DGKH: variants seen among roughly 807,000 people sequenced by gnomAD.
DGKH encodes diacylglycerol kinase eta.
In DGKH, 90 loss-of-function variants were observed where a neutral mutation model predicts 159.3. That is an observed-to-expected ratio of 0.57 (90% CI 0.48 to 0.67). DGKH has a LOEUF of 0.67. DGKH is among the 30% of genes least tolerant of loss of function. DGKH has a pLI of 0.00. For missense variants in DGKH, 1,181 were observed against 1,506.1 expected (o/e 0.78, Z 3.57); for synonymous variants, 536 against 553.8 (o/e 0.97, Z 0.45).
upstream of DGKH, among the ~76,000 whole-genome samples, chr13:42,048,384 C>A (rs1289371427): frequency 2.7e-5 from 4 of 148,096 alleles, no homozygotes; most frequent in South Asian, 8.8e-4. This position sits in a 1 kb window ranked among gnomAD's most constrained non-coding sequence, Gnocchi z 6.7. Context: ...AGGTTTCCTG[C>A]CTCCCCCACC....
chr13:42,106,937 G>C (rs1026819952), intron 1 of DGKH, among the ~76,000 whole-genome samples: 1 of 152,110 alleles, frequency 6.6e-6, no homozygotes, highest in Non-Finnish European at 1.5e-5. Flanking sequence ...ACAGCTACTC[G>C]GAAGGTTGAG....
chr13:42,189,698 A>T (rs770085332), intron 15 of DGKH, among the ~76,000 whole-genome samples: 14 of 152,160 alleles, frequency 9.2e-5, no homozygotes, highest in South Asian at 2.1e-4. Context: ...AAAGGGTCTC[A>T]CTCTGTTGCC....
At chr13:42,248,558 A>G (rs1958598641) in intron 29 of DGKH, among the ~76,000 whole-genome samples, 1 of 147,320 alleles carries the variant, frequency 6.8e-6, no homozygotes, top group Admixed American at 6.8e-5. Context: ...TATATTGTTT[A>G]ATATTTAATA....
intron 1 of DGKH, among the ~76,000 whole-genome samples, chr13:42,054,955 G>A (rs1881645867): frequency 6.6e-6 from 1 of 152,156 alleles, no homozygotes; most frequent in Non-Finnish European, 1.5e-5. Context: ...TACTTTAAGT[G>A]TTGCTGTGTT....
At position 42,142,411 on chromosome 13, in the gene DGKH, C is replaced by T. The variant is rs9533009; in HGVS notation, c.384+12779C>T. Among the ~76,000 whole-genome samples the T allele has an allele frequency of 2.0e-5, 3 of 149,010 alleles. No homozygotes were observed. In the South Asian group the frequency reaches 6.5e-4, roughly 32 times the overall value. On this transcript the variant is annotated intron_variant, in intron 3 of 29. Coordinates refer to ENST00000337343, the MANE Select transcript of DGKH (RefSeq NM_178009.5). ...TTTGGTTCCATATGAACTTTAAAGT[C>T]GTTTTTTCCAATTCTGTGAAGAAAG...
chr13:42,208,656 G>A (rs1957565250), intron 21 of DGKH, among the ~76,000 whole-genome samples: 1 of 151,752 alleles, frequency 6.6e-6, no homozygotes, highest in Admixed American at 6.6e-5. Context: ...GTATGAACAT[G>A]TATTTAACAT....
chr13:42,214,384 G>A (rs1957736731), intron 24 of DGKH, 123 bp from the exon 25 acceptor site: 3 of 789,218 alleles, frequency 3.8e-6, no homozygotes, highest in Non-Finnish European at 5.7e-6. Context: ...GCCATTAAAA[G>A]TGTTCTTCCA....
rs1958324313 is a variant in DGKH, at chr13:42,232,535, A to T, written c.*3347A>T. The T allele has an allele frequency of 6.6e-6, 1 of 152,094 alleles. No homozygotes were observed. The highest frequency in any genetic ancestry group is 2.4e-5 in the African/African-American group (1 of 41,412). The allele number at this position is 152,094 out of a possible 1,614,324, so 9.4% of individuals were successfully genotyped here. ...TATAATCATGGTTGCTGAAATTCTC[A>T]CTGCCTTCTACTTTCCTTTCCCCAT... On this transcript the variant is annotated 3_prime_UTR_variant, in exon 30 of 30. Coordinates refer to ENST00000337343, the MANE Select transcript of DGKH (RefSeq NM_178009.5).
rs71096557 is a variant in DGKH at position 42,135,507 on chromosome 13, A to AAAAAAAAAAAAAAAAAAAAAAAAAG, written c.384+5876_384+5877insAAAAAAAAAAAAAAAAAAAAAAAGA. Among the ~76,000 whole-genome samples the AAAAAAAAAAAAAAAAAAAAAAAAAG allele has an allele frequency of 4.2e-4, 48 of 113,370 alleles. 1 individual carries two copies. Among genetic ancestry groups the AAAAAAAAAAAAAAAAAAAAAAAAAG allele is most frequent in the Non-Finnish European group, 4.8e-4 (25 of 51,642 alleles). 74.4% of individuals were successfully genotyped at this position (113,370 alleles called of 152,430 possible). On this transcript the variant is annotated intron_variant, in intron 3 of 29. Coordinates refer to ENST00000337343, the MANE Select transcript of DGKH (RefSeq NM_178009.5). Reference sequence around the variant, plus strand: ...CCTGTCTCAGAAAAAAAAAAAAAAAAAGAGAGAGAGAGAAAAAGAAAAAAA... The same window carrying AAAAAAAAAAAAAAAAAAAAAAAAAG: ...CCTGTCTCAGAAAAAAAAAAAAAAAAAAAAAAAAAAAAAAAAAAAAAAAAGAGAGAGAGAGAGAAAAAGAAAAAAA...
intron 1 of DGKH, among the ~76,000 whole-genome samples, chr13:42,059,992 G>T (rs1422431097): frequency 1.3e-5 from 2 of 149,234 alleles, no homozygotes; most frequent in Non-Finnish European, 3.0e-5. Flanking sequence ...TGCAAACTCC[G>T]CCTACCAGGT....
chr13:42,250,023 TGCAGTGGC>T (rs1330714924), intron 29 of DGKH, among the ~76,000 whole-genome samples: 4 of 150,854 alleles, frequency 2.7e-5, no homozygotes, highest in African/African-American at 9.8e-5. Flanking sequence ...CAGGCTGGAG[TGCAGTGGC>T]GCGATCTGGG....
At chr13:42,173,227 T>C (rs1421057459) in intron 11 of DGKH, among the ~76,000 whole-genome samples, 3 of 152,180 alleles carry the variant, frequency 2.0e-5, no homozygotes, top group Non-Finnish European at 4.4e-5. Flanking sequence ...CACTTCAGTC[T>C]CCCAAAGTGC....
At chr13:42,136,249 A>G (rs1955400694) in intron 3 of DGKH, among the ~76,000 whole-genome samples, 2 of 152,222 alleles carry the variant, frequency 1.3e-5, no homozygotes, top group Admixed American at 6.5e-5. Context: ...GGGAATTTGG[A>G]AGAAGAATGT....
At chr13:42,144,521 T>C (rs771604230) in intron 3 of DGKH, among the ~76,000 whole-genome samples, 2 of 152,016 alleles carry the variant, frequency 1.3e-5, no homozygotes, top group African/African-American at 2.4e-5. Flanking sequence ...ACCCCTTCTC[T>C]ACTAAAAATA....
Position 42,207,077 on chromosome 13 carries a change from C to CT in DGKH, c.2601+934dup, listed in dbSNP as rs919546822. The stretch of plus-strand genomic sequence containing the variant: ...TCTTTCCTTCCTTCTTTCTTTCTTT[C>CT]TTTCTTTCTTTCTTTCTTTCTTTCT... On this transcript the variant is annotated intron_variant, in intron 21 of 29. Transcript: ENST00000337343. 2.4e-5 allele frequency among the ~76,000 whole-genome samples: 3 copies of CT among 123,722 alleles called. 1 individual carries two copies. The South Asian group carries it at 8.3e-4, about 34-fold the overall frequency. 81.2% of individuals were successfully genotyped at this position (123,722 alleles called of 152,430 possible).
intron 1 of DGKH, among the ~76,000 whole-genome samples, chr13:42,083,313 T>C (rs1295507059): frequency 6.6e-6 from 1 of 151,988 alleles, no homozygotes; most frequent in Non-Finnish European, 1.5e-5. Flanking sequence ...AGAGGGGTGG[T>C]GATGCGAGGG....
rs931840908 is a variant in DGKH, at chr13:42,148,954, T to C, written c.385-6337T>C. Among the ~76,000 whole-genome samples the C allele has an allele frequency of 5.0e-4, 74 of 146,664 alleles. 3 individuals carry two copies. Among genetic ancestry groups the C allele is most frequent in the African/African-American group, 1.7e-3 (67 of 39,780 alleles). On this transcript the variant is annotated intron_variant, in intron 3 of 29. Coordinates refer to ENST00000337343, the MANE Select transcript of DGKH (RefSeq NM_178009.5). ...CCCCGCCCGCCCCTTCTTTTTTTTT[T>C]TTTTTTTTTTTGAGACAAGTCTCAC...
intron 7 of DGKH, among the ~76,000 whole-genome samples, chr13:42,162,607 C>A (rs1956213705): frequency 6.6e-6 from 1 of 152,094 alleles, no homozygotes; most frequent in South Asian, 2.1e-4. Context: ...AGTTCAAGAC[C>A]AGCCTGGCTA....
At chr13:42,049,078 CGG>C (rs1881031549) in intron 1 of DGKH, 113 bp downstream of exon 1, 2 of 120,842 alleles carry the variant, frequency 1.7e-5, no homozygotes, top group African/African-American at 1.2e-4. Flanking sequence ...GCGGGGAAGG[CGG>C]GGAAGGCGGG....
Sources: allele counts gnomAD v4.1 joint callset (sites outside exome capture counted in the v4.1 genomes callset), GRCh38; gene constraint gnomAD v4.1.1; non-coding constraint Gnocchi (gnomAD v3.1); transcripts MANE v1.5; gene names NCBI Gene and HGNC (gene_info 2026-07-23, HGNC 2026-07-21).